Variants in PRUNE2 observed in about 807,000 individuals in gnomAD.
PRUNE2 encodes the protein prune homolog 2 with BCH domain.
PRUNE2 carries 164 observed loss-of-function variants against 252.0 expected under a neutral mutation model. That is an observed-to-expected ratio of 0.65 (90% confidence interval 0.57 to 0.74). The LOEUF (loss-of-function observed/expected upper bound fraction) is 0.74, where lower values mean the gene tolerates loss of function less well. Ranked by LOEUF, PRUNE2 falls within the 30% of genes least tolerant of loss-of-function variation. The pLI is 0.00. For synonymous variants in PRUNE2, 1,292 were observed against 1,350.2 expected, an observed-to-expected ratio of 0.96 and a Z score of 0.94; for missense variants, 3,495 against 3,711.0, an observed-to-expected ratio of 0.94 and a Z score of 1.51.
In PRUNE2 at chr9:76,855,108, C is replaced by T. The variant is rs113221104; in HGVS notation, c.37-900G>A. On this transcript the variant is annotated intron_variant, in intron 1 of 18. Coordinates refer to ENST00000376718, the MANE Select transcript of PRUNE2 (RefSeq NM_015225.3). ...ATATATATATATATATATATAGTCA[C>T]CCCTCTGGAAGAGAAGACTTGCTAT... Among the ~76,000 whole-genome samples, 361 of 145,008 alleles carry T rather than the reference C, an allele frequency of 2.5e-3. 3 individuals are homozygous for T. The highest frequency in any genetic ancestry group is 8.7e-3 in the African/African-American group (333 of 38,456).
intron 9 of PRUNE2, among the ~76,000 whole-genome samples, chr9:76,663,765 G>C (rs535083470): frequency 5.3e-5 from 8 of 152,292 alleles, no homozygotes; most frequent in Admixed American, 1.3e-4. Flanking sequence ...GATGCATGGA[G>C]AATTCTACCT....
chr9:76,784,009 C>T (rs2054706607), intron 6 of PRUNE2: 1 of 152,218 alleles, frequency 6.6e-6, no homozygotes, highest in Admixed American at 6.5e-5. Context: ...TTTTCTATTT[C>T]TTGCCTCGTA....
chr9:76,691,537 T>C (rs2044723537), intron 9 of PRUNE2, among the ~76,000 whole-genome samples: 1 of 152,172 alleles, frequency 6.6e-6, no homozygotes, highest in Non-Finnish European at 1.5e-5. Flanking sequence ...GGATGACCTA[T>C]TTCTGCAGCT....
In PRUNE2 at chr9:76,846,631, A is replaced by G. The variant is rs573511105; in HGVS notation, c.392T>C (p.Val131Ala). ...ESAVVKVINP[V>A]EQSDANVEFR... The stretch of plus-strand genomic sequence containing the variant: ...CTCAACGTTGGCATCGCTCTGCTCA[A>G]CCGGATTAATGACTTTGACAACTGC... Residue 131 changes from valine (V) to alanine (A), a missense_variant, in exon 4 of 19, where the codon GTT becomes GCT. Coordinates refer to ENST00000376718, the MANE Select transcript of PRUNE2 (RefSeq NM_015225.3). The G allele has an allele frequency of 4.3e-6, 7 of 1,614,138 alleles. No individual in the cohort carries two copies. The South Asian group carries it at 4.4e-5, about 10-fold the overall frequency.
chr9:76,774,384 T>C (rs1022437257), intron 6 of PRUNE2, among the ~76,000 whole-genome samples: 5 of 151,618 alleles, frequency 3.3e-5, no homozygotes, highest in African/African-American at 1.2e-4. Flanking sequence ...GCAATCCACC[T>C]GCTTTGGCCT....
At chr9:76,760,174 T>TG (rs2051563522) in intron 6 of PRUNE2, 1 of 152,244 alleles carries the variant, frequency 6.6e-6, no homozygotes, top group South Asian at 2.1e-4. Flanking sequence ...ACCTGGCAGT[T>TG]GGGGTCTGTT....
intron 17 of PRUNE2, among the ~76,000 whole-genome samples, chr9:76,623,479 G>C (rs1193036622): frequency 6.6e-6 from 1 of 152,054 alleles, no homozygotes; most frequent in African/African-American, 2.4e-5. Context: ...ATTTTTAGTA[G>C]AGACGGGGTT....
At chr9:76,767,918 T>C (rs1401566262) in intron 6 of PRUNE2, among the ~76,000 whole-genome samples, 2 of 152,234 alleles carry the variant, frequency 1.3e-5, no homozygotes, top group Non-Finnish European at 1.5e-5. Flanking sequence ...TTCCTCACTT[T>C]GGGTGTAAAA....
chr9:76,642,001 T>TAAAAAAAAAAAAAAAAAGAAAA, intron 12 of PRUNE2: 4 of 1,010,452 alleles, frequency 4.0e-6, no homozygotes, highest in South Asian at 3.4e-5. Context: ...ATAAGAGAAG[T>TAAAAAAAAAAAAAAAAAGAAAA]AAAAAAAAAA....
intron 1 of PRUNE2, among the ~76,000 whole-genome samples, chr9:76,865,646 G>A (rs10118897): frequency 0.057 from 8,711 of 152,222 alleles, 817 homozygotes; most frequent in African/African-American, 0.19. Context: ...TAACTTTCTT[G>A]TAATGTCTTT....
intron 11 of PRUNE2, among the ~76,000 whole-genome samples, chr9:76,647,453 C>T (rs1845407043): frequency 1.3e-5 from 2 of 152,040 alleles, no homozygotes; most frequent in Admixed American, 6.6e-5. Flanking sequence ...ATGTAACTGG[C>T]CTTGGATGCA....
intron 6 of PRUNE2, among the ~76,000 whole-genome samples, chr9:76,743,224 G>A (rs1161591059): frequency 1.3e-5 from 2 of 152,134 alleles, no homozygotes; most frequent in Non-Finnish European, 2.9e-5. Flanking sequence ...AAATTACCCA[G>A]CCTTGGGCAT....
At chr9:76,649,223 A>G (rs762833203) in intron 11 of PRUNE2, among the ~76,000 whole-genome samples, 1 of 152,192 alleles carries the variant, frequency 6.6e-6, no homozygotes, top group Non-Finnish European at 1.5e-5. Flanking sequence ...AGAATGACCA[A>G]TGCCACTTAT....
intron 2 of PRUNE2, among the ~76,000 whole-genome samples, chr9:76,853,258 T>A (rs1215712350): frequency 6.6e-6 from 1 of 152,208 alleles, no homozygotes; most frequent in Non-Finnish European, 1.5e-5. Flanking sequence ...CTAGCATTCG[T>A]GTGAATTTAA....
At chr9:76,640,462 GT>G (rs1192748626) in intron 12 of PRUNE2, among the ~76,000 whole-genome samples, 15 of 152,174 alleles carry the variant, frequency 9.9e-5, no homozygotes, top group African/African-American at 3.4e-4. Context: ...CGGTGTTGTT[GT>G]ATACAGTATT....
At chr9:76,629,985 C>T (rs553517426) in intron 15 of PRUNE2, among the ~76,000 whole-genome samples, 22 of 152,242 alleles carry the variant, frequency 1.4e-4, no homozygotes, top group African/African-American at 4.8e-4. Context: ...AGTGTTTACC[C>T]AAGGTCTCAC....
chr9:76,874,423 A>C (rs1032955949), intron 1 of PRUNE2, among the ~76,000 whole-genome samples: 1 of 152,224 alleles, frequency 6.6e-6, no homozygotes, highest in Non-Finnish European at 1.5e-5. Flanking sequence ...GATGGAAAGA[A>C]GACATGCAGA....
intron 12 of PRUNE2, among the ~76,000 whole-genome samples, chr9:76,639,969 C>T (rs1292868060): frequency 6.6e-6 from 1 of 152,222 alleles, no homozygotes; most frequent in African/African-American, 2.4e-5. Flanking sequence ...CAGCAGGTGT[C>T]AGTCAGACCC....
chr9:76,777,430 C>G (rs2053923326), intron 6 of PRUNE2, among the ~76,000 whole-genome samples: 1 of 152,180 alleles, frequency 6.6e-6, no homozygotes, highest in Non-Finnish European at 1.5e-5. Context: ...ATCCCAGGCA[C>G]AGAGCTCTGA....
Sources: allele counts gnomAD v4.1 joint callset (sites outside exome capture counted in the v4.1 genomes callset), GRCh38; gene constraint gnomAD v4.1.1; transcripts MANE v1.5; gene names NCBI Gene and HGNC (gene_info 2026-07-23, HGNC 2026-07-21).